The following RELN variants were observed in gnomAD, a reference collection of about 807,000 sequenced individuals.
RELN encodes reelin.
A neutral mutation model predicts 427.6 loss-of-function variants in RELN; 108 were observed. The observed-to-expected ratio is 0.25, with a 90% CI of 0.22 to 0.30. The LOEUF (loss-of-function observed/expected upper bound fraction) is 0.30, where lower values mean the gene tolerates loss of function less well. Among genes scored for constraint, RELN ranks in the 10% least tolerant of loss-of-function variants. The probability of loss-of-function intolerance (pLI) is 1.00; values close to 1 mark genes in which losing one functional copy is unlikely to be tolerated. For missense variants in RELN, 3,715 were observed against 4,302.8 expected, an observed-to-expected ratio of 0.86 and a Z score of 3.82; for synonymous variants, 1,524 against 1,513.4, an observed-to-expected ratio of 1.01 and a Z score of -0.16.
In RELN at chr7:103,860,424, G is replaced by T. The variant is rs545960362; in HGVS notation, c.338-26752C>A. ...AGTACTGAAACCTGAATGTTTAGAT[G>T]CAGAAAAATGTGTAATGAGGACTTG... On this transcript the variant is annotated intron_variant, in intron 2 of 64. Transcript: ENST00000428762. 2.0e-5 allele frequency among the ~76,000 whole-genome samples: 3 copies of T among 152,278 alleles called. No individual in the cohort carries two copies. The South Asian group carries it at 6.2e-4, about 32-fold the overall frequency.
At chr7:103,654,427 C>T (rs1161366920) in intron 12 of RELN, among the ~76,000 whole-genome samples, 2 of 152,092 alleles carry the variant, frequency 1.3e-5, no homozygotes, top group Non-Finnish European at 2.9e-5. Context: ...GCCAAAGTAG[C>T]TATTTGCTTC....
intron 11 of RELN, among the ~76,000 whole-genome samples, chr7:103,670,650 C>T (rs1833371869): frequency 6.6e-6 from 1 of 151,838 alleles, no homozygotes; most frequent in African/African-American, 2.4e-5. Context: ...TTACTTTGCT[C>T]ATTTTCTTTG....
chr7:103,975,007 A>G (rs1563119945), intron 1 of RELN, among the ~76,000 whole-genome samples: 1 of 152,384 alleles, frequency 6.6e-6, no homozygotes, highest in East Asian at 1.9e-4. Context: ...TCATTCCAAC[A>G]GACTGCTATA....
chr7:103,848,877 C>G (rs1374346417), intron 2 of RELN, among the ~76,000 whole-genome samples: 1 of 152,120 alleles, frequency 6.6e-6, no homozygotes, highest in East Asian at 1.9e-4. Flanking sequence ...TTTCCAAGAA[C>G]CTACACTTTG....
Position 103,920,593 on chromosome 7 carries a change from T to TTTTTTTTTTTTTGA in RELN, c.227-3409_227-3408insTCAAAAAAAAAAAA, listed in dbSNP as rs57282777. Reference sequence around the variant, plus strand: ...TTTTTTTTTTTGTTTTTTTTTTTTTTGAGAGAGTCTCGCTCTCTTACCCAG... The same window carrying TTTTTTTTTTTTTGA: ...TTTTTTTTTTTGTTTTTTTTTTTTTTTTTTTTTTTTTTGAGAGAGAGTCTCGCTCTCTTACCCAG... On this transcript the variant is annotated intron_variant, in intron 1 of 64. Transcript: ENST00000428762. 4.9e-4 allele frequency among the ~76,000 whole-genome samples: 64 copies of TTTTTTTTTTTTTGA among 129,376 alleles called. 1 individual carries two copies. Among genetic ancestry groups the TTTTTTTTTTTTTGA allele is most frequent in the African/African-American group, 1.7e-3 (57 of 32,826 alleles). 84.9% of individuals were successfully genotyped at this position (129,376 alleles called of 152,430 possible).
chr7:103,556,170 C>T lies in RELN; in HGVS notation c.5797+807G>A, dbSNP rs148211748. 2.5e-4 allele frequency among the ~76,000 whole-genome samples: 38 copies of T among 152,226 alleles called. No homozygotes were observed. The East Asian group carries it at 3.3e-3, about 13-fold the overall frequency. On this transcript the variant is annotated intron_variant, in intron 38 of 64. Transcript: ENST00000428762. ...GTATGTGATAAGAATATTTTATCTA[C>T]GGCACTATCTGCTTGGTCTAAGTCC...
chr7:103,764,073 A>G (rs534729213), intron 4 of RELN, among the ~76,000 whole-genome samples: 12 of 152,326 alleles, frequency 7.9e-5, no homozygotes, highest in African/African-American at 2.6e-4. Flanking sequence ...CAGAACTGCA[A>G]TAGAGGGGTA....
chr7:103,728,283 T>C, intron 6 of RELN, 76 bp from the exon 7 acceptor site: 2 of 1,315,072 alleles, frequency 1.5e-6, no homozygotes, highest in Non-Finnish European at 1.1e-6. Flanking sequence ...TAAGAAACGA[T>C]ATAATATTTA....
chr7:103,844,970 T>C (rs2116444936), intron 2 of RELN, among the ~76,000 whole-genome samples: 1 of 152,280 alleles, frequency 6.6e-6, no homozygotes, highest in Middle Eastern at 3.4e-3. Flanking sequence ...GAGGCAATGA[T>C]AACCCTTGTC....
Position 103,640,701 on chromosome 7 carries a change from G to T in RELN, c.2003-92C>A. ...TAATACTCATGAAATATGGCCCCTT[G>T]TGTGTATGTTGTGTGCAGGAACCCA... On this transcript the variant is annotated intron_variant, in intron 16 of 64. Coordinates refer to ENST00000428762, the MANE Select transcript of RELN (RefSeq NM_005045.4). This position sits in a 1 kb window ranked among gnomAD's most constrained non-coding sequence, Gnocchi z 4.1. 7.6e-7 allele frequency: 1 copy of T among 1,309,830 alleles called. No homozygotes were observed. The highest frequency in any genetic ancestry group is 1.1e-6 in the Non-Finnish European group (1 of 924,932). 81.1% of individuals were successfully genotyped at this position (1,309,830 alleles called of 1,614,324 possible).
intron 42 of RELN, 28 bp from the exon 43 acceptor site, chr7:103,542,906 C>T (rs757842995): frequency 1.9e-6 from 3 of 1,610,606 alleles, no homozygotes; most frequent in Non-Finnish European, 2.5e-6. Context: ...TATGGTTTAC[C>T]TATGACCCCA....
intron 2 of RELN, among the ~76,000 whole-genome samples, chr7:103,910,331 C>G (rs1186457048): frequency 6.8e-6 from 1 of 147,408 alleles, no homozygotes; most frequent in African/African-American, 2.6e-5. Context: ...ATGGGGTTTT[C>G]TAGATATACA....
At chr7:103,802,307 T>A (rs1311198997) in intron 3 of RELN, among the ~76,000 whole-genome samples, 1 of 152,158 alleles carries the variant, frequency 6.6e-6, no homozygotes, top group East Asian at 1.9e-4. Flanking sequence ...CAAAGTAGAA[T>A]TAAGACATGA....
At chr7:103,587,407 C>T (rs878943177) in intron 28 of RELN, among the ~76,000 whole-genome samples, 4 of 152,150 alleles carry the variant, frequency 2.6e-5, no homozygotes, top group Non-Finnish European at 4.4e-5. Context: ...AAACATGAGG[C>T]CCCAAACTAC....
rs751784253 is a variant in RELN, at chr7:103,728,259, G to A, written c.657-52C>T. ...GTCTGAGAACTAAGTAGCACACGTGGTTTACTGCTCAGGTAAGAAACGATA... is the reference window on the plus strand; with the variant it reads ...GTCTGAGAACTAAGTAGCACACGTGATTTACTGCTCAGGTAAGAAACGATA... On this transcript the variant is annotated intron_variant, in intron 6 of 64. Transcript: ENST00000428762. 8 of 1,517,500 alleles carry A rather than the reference G, an allele frequency of 5.3e-6. No homozygotes were observed. In the Admixed American group the frequency reaches 1.3e-4, roughly 25 times the overall value. 94.0% of individuals were successfully genotyped at this position (1,517,500 alleles called of 1,614,324 possible).
intron 34 of RELN, among the ~76,000 whole-genome samples, chr7:103,562,248 T>C (rs1288194000): frequency 6.6e-6 from 1 of 152,210 alleles, no homozygotes; most frequent in African/African-American, 2.4e-5. Flanking sequence ...TCCACTTGTT[T>C]TGTTTTTGAA....
chr7:103,665,858 A>G lies in RELN; in HGVS notation c.1290-4331T>C, dbSNP rs1562947420. On this transcript the variant is annotated intron_variant, in intron 11 of 64. Transcript: ENST00000428762. ...TCTATGGGACCTGTATTGAAATGTC[A>G]TATTCTATTCTCCGTGTCTCTCACT... 2.0e-5 allele frequency among the ~76,000 whole-genome samples: 3 copies of G among 151,570 alleles called. No individual in the cohort carries two copies. The South Asian group carries it at 6.3e-4, about 32-fold the overall frequency.
intron 2 of RELN, among the ~76,000 whole-genome samples, chr7:103,833,909 T>C (rs1436301229): frequency 1.3e-5 from 2 of 152,084 alleles, no homozygotes; most frequent in African/African-American, 2.4e-5. Context: ...TTTGCTTTGA[T>C]TTTGTTGATT....
At chr7:103,905,865 A>T (rs755989056) in intron 2 of RELN, among the ~76,000 whole-genome samples, 31 of 152,268 alleles carry the variant, frequency 2.0e-4, no homozygotes, top group Non-Finnish European at 3.4e-4. Context: ...CCACGGAGGT[A>T]GCGGGAAGGG....
Sources: gnomAD v4.1 joint callset for allele counts (sites outside exome capture counted in the v4.1 genomes callset) on GRCh38, gnomAD v4.1.1 for gene constraint, Gnocchi (gnomAD v3.1) non-coding constraint, MANE v1.5 for transcripts, NCBI Gene and HGNC (gene_info 2026-07-23, HGNC 2026-07-21) for gene names.